KAZN: variants seen among roughly 807,000 people sequenced by gnomAD.
KAZN encodes the protein kazrin.
In KAZN, 40 loss-of-function variants were observed where a neutral mutation model predicts 87.4. The observed-to-expected ratio is 0.46, with a 90% CI of 0.36 to 0.60. The LOEUF is 0.60. KAZN is among the 20% of genes least tolerant of loss of function. The pLI is 0.00. For synonymous variants in KAZN, 466 were observed against 458.3 expected, an observed-to-expected ratio of 1.02 and a Z score of -0.22; for missense variants, 898 against 1,073.9, an observed-to-expected ratio of 0.84 and a Z score of 2.29.
chr1:14,681,817 G>T (rs1255346531), intron 1 of KAZN, among the ~76,000 whole-genome samples: 1 of 147,820 alleles, frequency 6.8e-6, no homozygotes, highest in Non-Finnish European at 1.5e-5. Context: ...CAGCATCCAC[G>T]AGTAGCTGGG....
intron 1 of KAZN, among the ~76,000 whole-genome samples, chr1:14,681,836 C>G (rs1468848283): frequency 6.7e-6 from 1 of 149,210 alleles, no homozygotes; most frequent in African/African-American, 2.5e-5. Context: ...GGACTACAGG[C>G]GCCCGCCACC....
intron 2 of KAZN, among the ~76,000 whole-genome samples, chr1:14,394,528 C>T (rs1571508986): frequency 2.0e-5 from 3 of 151,874 alleles, no homozygotes; most frequent in Admixed American, 1.3e-4. Flanking sequence ...AATCTAAAGC[C>T]TTACACACGT....
chr1:14,359,181 C>T (rs1296613415), intron 2 of KAZN, among the ~76,000 whole-genome samples: 2 of 152,106 alleles, frequency 1.3e-5, no homozygotes, highest in African/African-American at 2.4e-5. Flanking sequence ...ATCTAACGTC[C>T]TTCTTCGTCT....
At chr1:14,436,143 C>T (rs988184240) in intron 2 of KAZN, among the ~76,000 whole-genome samples, 23 of 151,906 alleles carry the variant, frequency 1.5e-4, no homozygotes, top group East Asian at 1.9e-4. Context: ...GCAGGAGACT[C>T]GCTTGAACCC....
At chr1:14,611,025 C>A (rs1422722077) in intron 1 of KAZN, among the ~76,000 whole-genome samples, 1 of 152,174 alleles carries the variant, frequency 6.6e-6, no homozygotes, top group Non-Finnish European at 1.5e-5. Flanking sequence ...ATGCCCAGAT[C>A]CTGGACTCAG....
intron 1 of KAZN, among the ~76,000 whole-genome samples, chr1:14,838,674 G>T (rs1647573511): frequency 6.6e-6 from 1 of 152,190 alleles, no homozygotes. Context: ...AGCCTGGAGT[G>T]CATTGGTGGG....
At chr1:14,047,978 C>T (rs1195481515) in intron 1 of KAZN, among the ~76,000 whole-genome samples, 1 of 152,130 alleles carries the variant, frequency 6.6e-6, no homozygotes, top group Non-Finnish European at 1.5e-5. Context: ...AATTCAGGTT[C>T]AGTGTGATTC....
intron 1 of KAZN, among the ~76,000 whole-genome samples, chr1:14,886,743 A>G (rs1171401585): frequency 6.6e-6 from 1 of 152,088 alleles, no homozygotes; most frequent in East Asian, 1.9e-4. Context: ...ATGAGCCAAG[A>G]TCGTGCCGTT....
chr1:14,598,679 G>T (rs994664663), upstream of KAZN: 4 of 1,275,396 alleles, frequency 3.1e-6, no homozygotes, highest in South Asian at 5.2e-5. This position sits in a 1 kb window ranked among gnomAD's most constrained non-coding sequence, Gnocchi z 4.2. Flanking sequence ...GGTGGCGCGC[G>T]GTGTCCTTCT....
At chr1:14,320,945 T>G (rs749768021) in intron 2 of KAZN, among the ~76,000 whole-genome samples, 1 of 152,194 alleles carries the variant, frequency 6.6e-6, no homozygotes, top group Non-Finnish European at 1.5e-5. Context: ...AAGATACTAG[T>G]TTTTTAGTTA....
chr1:14,267,359 C>CAAAAAA (rs61641430), intron 2 of KAZN, among the ~76,000 whole-genome samples: 880 of 64,654 alleles, frequency 0.014, 6 homozygotes, highest in African/African-American at 0.046. Context: ...AGCCGATAAG[C>CAAAAAA]AAAAAAAAAA....
chr1:13,914,525 A>G (rs898673616), intron 1 of KAZN, among the ~76,000 whole-genome samples: 11 of 152,214 alleles, frequency 7.2e-5, no homozygotes, highest in African/African-American at 2.7e-4. Flanking sequence ...AGGTTATGTT[A>G]TACGGCCCTT....
intron 1 of KAZN, among the ~76,000 whole-genome samples, chr1:14,003,476 G>C (rs567518559): frequency 3.7e-4 from 56 of 151,854 alleles, no homozygotes; most frequent in Non-Finnish European, 7.2e-4. Context: ...TAGACTACTA[G>C]ATACCAATTC....
chr1:14,971,035 A>G (rs1168700260), intron 2 of KAZN, among the ~76,000 whole-genome samples: 1 of 152,186 alleles, frequency 6.6e-6, no homozygotes, highest in African/African-American at 2.4e-5. Context: ...AGTCCTCCCA[A>G]CAACCCATGT....
intron 2 of KAZN, among the ~76,000 whole-genome samples, chr1:14,552,297 G>A (rs775292214): frequency 1.5e-4 from 23 of 152,300 alleles, no homozygotes; most frequent in South Asian, 6.2e-4. Context: ...AGAAAGATCC[G>A]GCTAGCAGAG....
At chr1:14,175,040 T>C (rs1318144919) in intron 1 of KAZN, among the ~76,000 whole-genome samples, 1 of 152,242 alleles carries the variant, frequency 6.6e-6, no homozygotes, top group Non-Finnish European at 1.5e-5. Context: ...GGGAGGACTG[T>C]AGGCATTGGT....
At chr1:14,613,204 G>A (rs1018512654) in intron 1 of KAZN, among the ~76,000 whole-genome samples, 2 of 152,170 alleles carry the variant, frequency 1.3e-5, no homozygotes, top group African/African-American at 2.4e-5. Flanking sequence ...AAATCATCCA[G>A]ATATCTTCAC....
At chr1:13,945,161 C>T (rs142796407) in intron 1 of KAZN, among the ~76,000 whole-genome samples, 33 of 151,936 alleles carry the variant, frequency 2.2e-4, no homozygotes, top group Admixed American at 1.1e-3. Context: ...GATATACTAT[C>T]TGGAAGATAT....
intron 1 of KAZN, among the ~76,000 whole-genome samples, chr1:13,968,333 A>G (rs559850946): frequency 1.8e-3 from 273 of 152,094 alleles, no homozygotes; most frequent in Non-Finnish European, 3.0e-3. Context: ...TGGGGGACAG[A>G]CCTCCTGGGT....
Sources: allele counts gnomAD v4.1 joint callset (sites outside exome capture counted in the v4.1 genomes callset), GRCh38; gene constraint gnomAD v4.1.1; non-coding constraint Gnocchi (gnomAD v3.1); transcripts MANE v1.5; gene names NCBI Gene and HGNC (gene_info 2026-07-23, HGNC 2026-07-21).